REV1: variants seen among roughly 807,000 people sequenced by gnomAD.
The protein encoded by REV1 is translesion synthesis protein REV1.
A neutral mutation model predicts 137.4 loss-of-function variants in REV1; 42 were observed. That is an observed-to-expected ratio of 0.31 (90% confidence interval 0.24 to 0.40). The LOEUF (loss-of-function observed/expected upper bound fraction) is 0.40. Ranked by LOEUF, REV1 falls within the 10% of genes least tolerant of loss-of-function variation. The probability of loss-of-function intolerance (pLI) is 1.00; values close to 1 mark genes in which losing one functional copy is unlikely to be tolerated. For synonymous variants in REV1, 524 were observed against 519.2 expected, an observed-to-expected ratio of 1.01 and a Z score of -0.12; for missense variants, 1,282 against 1,490.1, an observed-to-expected ratio of 0.86 and a Z score of 2.30.
In REV1 at chr2:99,439,170, A is replaced by C. The variant is rs1681155109; in HGVS notation, c.644T>G (p.Ile215Ser). The C allele has an allele frequency of 6.2e-7, 1 of 1,614,206 alleles. No homozygotes were observed. The highest frequency in any genetic ancestry group is 8.5e-7 in the Non-Finnish European group (1 of 1,180,018). The stretch of plus-strand genomic sequence containing the variant: ...GGCAGTGCTCCCTCTGGGATGCGGA[A>C]TTCCATTCTGTTTCCTTCCCGGAGA... Reference protein sequence around the residue: ...QTSPGRKQNGIPHPRGSTAIF... With the variant: ...QTSPGRKQNGSPHPRGSTAIF... Residue 215 changes from isoleucine to serine, a missense_variant, in exon 6 of 23, where the codon ATT becomes AGT. Coordinates refer to ENST00000258428, the MANE Select transcript of REV1 (RefSeq NM_016316.4).
intron 12 of REV1, among the ~76,000 whole-genome samples, chr2:99,413,496 T>C (rs2104495429): frequency 6.6e-6 from 1 of 152,250 alleles, no homozygotes; most frequent in African/African-American, 2.4e-5. Context: ...GACCTGAAGA[T>C]GAAGGACCCT....
At chr2:99,434,496 A>G (rs1158844150) in intron 7 of REV1, 48 bp from the exon 8 acceptor site, 1 of 1,306,784 alleles carries the variant, frequency 7.7e-7, no homozygotes, top group Admixed American at 2.6e-5. Flanking sequence ...CAGGAATGTT[A>G]ACAACATGTA....
At chr2:99,410,111 A>G (rs1465452634) in intron 14 of REV1, among the ~76,000 whole-genome samples, 1 of 151,038 alleles carries the variant, frequency 6.6e-6, no homozygotes, top group Non-Finnish European at 1.5e-5. Flanking sequence ...CCTGGGTTCA[A>G]GCAATCCTCC....
At chr2:99,455,384 G>C (rs1224036732) in intron 3 of REV1, among the ~76,000 whole-genome samples, 8 of 152,090 alleles carry the variant, frequency 5.3e-5, no homozygotes, top group Non-Finnish European at 1.5e-5. Context: ...CTACTCTCTT[G>C]ACTCTTCTCA....
chr2:99,441,543 C>A (rs1003519071), intron 5 of REV1, among the ~76,000 whole-genome samples: 2 of 151,168 alleles, frequency 1.3e-5, no homozygotes, highest in African/African-American at 4.9e-5. Flanking sequence ...AACTAAACTT[C>A]CATTTATATA....
chr2:99,400,758 G>A lies in REV1; in HGVS notation c.*483C>T, dbSNP rs1675268296. ...TAACATGCTCCTGTGTTCATGCTTG[G>A]AGACAAGAATAAGATGGTTTAGAAG... On this transcript the variant is annotated 3_prime_UTR_variant, in exon 23 of 23. Coordinates refer to ENST00000258428, the MANE Select transcript of REV1 (RefSeq NM_016316.4). 6.6e-6 allele frequency: 1 copy of A among 152,654 alleles called. No homozygotes were observed. Among genetic ancestry groups the A allele is most frequent in the African/African-American group, 2.4e-5 (1 of 41,454 alleles). The allele number at this position is 152,654 out of a possible 1,614,324, so 9.5% of individuals were successfully genotyped here. A position where few individuals can be genotyped will look rare whatever the true frequency, so the allele number is the denominator to read the frequency against.
chr2:99,475,346 T>G (rs1685854058), intron 1 of REV1, among the ~76,000 whole-genome samples: 2 of 152,314 alleles, frequency 1.3e-5, no homozygotes, highest in South Asian at 4.1e-4. Context: ...TGTGGAATGC[T>G]GAGAAGGATA....
At chr2:99,484,262 T>G (rs76055637) in intron 1 of REV1, among the ~76,000 whole-genome samples, 1,997 of 152,276 alleles carry the variant, frequency 0.013, 44 homozygotes, top group African/African-American at 0.046. Context: ...GCAGAAAAAG[T>G]AACTATTGTG....
chr2:99,446,838 C>G (rs1357087927), intron 4 of REV1, among the ~76,000 whole-genome samples: 1 of 152,068 alleles, frequency 6.6e-6, no homozygotes. Flanking sequence ...CCAGCAAGAT[C>G]GCTTTCCCCT....
At chr2:99,416,305 C>T (rs1023822060) in intron 12 of REV1, among the ~76,000 whole-genome samples, 1 of 152,242 alleles carries the variant, frequency 6.6e-6, no homozygotes, top group Non-Finnish European at 1.5e-5. Flanking sequence ...CCAGGACTTT[C>T]ACTGTACAAA....
chr2:99,441,026 A>G (rs1034937431), intron 5 of REV1, among the ~76,000 whole-genome samples: 2 of 152,248 alleles, frequency 1.3e-5, no homozygotes, highest in Admixed American at 1.3e-4. Context: ...AAAATCTAAA[A>G]GGTAATTTCT....
intron 18 of REV1, among the ~76,000 whole-genome samples, 164 bp from the exon 19 acceptor site, chr2:99,403,979 T>TAGAGCAAGAATAAGGAATTA (rs569622818): frequency 1.3e-5 from 2 of 152,310 alleles, no homozygotes; most frequent in African/African-American, 4.8e-5. Flanking sequence ...TCAAAATGGT[T>TAGAGCAAGAATAAGGAATTA]AGAGCAAGAA....
intron 1 of REV1, among the ~76,000 whole-genome samples, chr2:99,484,863 T>C (rs946299558): frequency 3.3e-5 from 5 of 152,210 alleles, no homozygotes; most frequent in African/African-American, 1.2e-4. Context: ...GCCTGAAATC[T>C]TGCCTCCTTT....
intron 3 of REV1, 66 bp from the exon 4 acceptor site, chr2:99,449,570 C>T (rs1682680064): frequency 1.3e-6 from 1 of 756,950 alleles, no homozygotes; most frequent in Non-Finnish European, 1.9e-6. Flanking sequence ...TAATGAATAA[C>T]TCCTTAAATA....
chr2:99,413,751 A>G (rs1033796977), intron 12 of REV1, among the ~76,000 whole-genome samples: 5 of 152,184 alleles, frequency 3.3e-5, no homozygotes, highest in African/African-American at 1.2e-4. Context: ...CAAATTTGGG[A>G]AAGAGGTTTG....
chr2:99,406,499 C>A lies in REV1; in HGVS notation c.2449-9G>T. The A allele has an allele frequency of 6.3e-7, 1 of 1,582,082 alleles. No homozygotes were observed. Among genetic ancestry groups the A allele is most frequent in the Non-Finnish European group, 8.6e-7 (1 of 1,162,804 alleles). On this transcript the variant is annotated splice_polypyrimidine_tract_variant and intron_variant, in intron 15 of 22. Transcript: ENST00000258428. ...TTCACGTGAATCCCAACCTAGAACC[C>A]AGAATAAAGAGTATGCTTCTAGGAA... is the stretch of plus-strand genomic sequence containing the variant.
In REV1 at chr2:99,464,940, A is replaced by G; in HGVS notation, c.36T>C (p.Asn12=). Residue 12 remains asparagine, a synonymous_variant, in exon 2 of 23, where the codon AAT becomes AAC. Transcript: ENST00000258428. ...AACACACCCATGTTTCCCAGCCATC[A>G]TTTTCAGCTCGCTTCCTCCATCCAC... ...RRGGWRKRAE[N]DGWETWGGYM... 6.2e-7 allele frequency: 1 copy of G among 1,613,270 alleles called. No homozygotes were observed. The highest frequency in any genetic ancestry group is 8.5e-7 in the Non-Finnish European group (1 of 1,179,610).
intron 1 of REV1, among the ~76,000 whole-genome samples, chr2:99,471,459 C>G (rs1188111976): frequency 6.6e-6 from 1 of 152,108 alleles, no homozygotes; most frequent in East Asian, 1.9e-4. Flanking sequence ...AATATAAGAG[C>G]TAAAACTATC....
chr2:99,461,230 C>A (rs1489662519), intron 3 of REV1, among the ~76,000 whole-genome samples: 1 of 152,222 alleles, frequency 6.6e-6, no homozygotes, highest in Non-Finnish European at 1.5e-5. Context: ...ACAAGCAACA[C>A]ACTCTTCTCT....
Sources: gnomAD v4.1 joint callset for allele counts (sites outside exome capture counted in the v4.1 genomes callset) on GRCh38, gnomAD v4.1.1 for gene constraint, MANE v1.5 for transcripts, NCBI Gene and HGNC (gene_info 2026-07-23, HGNC 2026-07-21) for gene names.